CACNA2D2: variants seen among roughly 807,000 people sequenced by gnomAD.
The protein encoded by CACNA2D2 is voltage-dependent calcium channel subunit alpha-2/delta-2.
In CACNA2D2, 48 loss-of-function variants were observed where a neutral mutation model predicts 166.4. The ratio of observed to expected loss-of-function variants is 0.29; its 90% CI spans 0.23 to 0.37. The LOEUF (loss-of-function observed/expected upper bound fraction) is 0.37. Ranked by LOEUF, CACNA2D2 falls within the 10% of genes least tolerant of loss-of-function variation. The probability of loss-of-function intolerance (pLI) is 1.00; values close to 1 mark genes in which losing one functional copy is unlikely to be tolerated. For missense variants in CACNA2D2, 1,122 were observed against 1,433.0 expected (o/e 0.78, Z 3.50); for synonymous variants, 561 against 573.7 (o/e 0.98, Z 0.32).
chr3:50,383,639 C>T (rs1432808512), intron 6 of CACNA2D2, among the ~76,000 whole-genome samples: 1 of 152,138 alleles, frequency 6.6e-6, no homozygotes, highest in African/African-American at 2.4e-5. Flanking sequence ...CTTCCACATC[C>T]CCCTTCCTTA....
At chr3:50,491,720 C>T (rs1031387274) in intron 1 of CACNA2D2, among the ~76,000 whole-genome samples, 3 of 152,198 alleles carry the variant, frequency 2.0e-5, no homozygotes, top group Non-Finnish European at 2.9e-5. Context: ...GACTATCAGT[C>T]GGGGGACTCA....
chr3:50,470,445 T>C (rs1273444622), intron 2 of CACNA2D2, among the ~76,000 whole-genome samples: 1 of 152,108 alleles, frequency 6.6e-6, no homozygotes, highest in Non-Finnish European at 1.5e-5. Context: ...AGCCCCTCTC[T>C]GATGAGGGCG....
chr3:50,451,132 T>C (rs1709083551), intron 2 of CACNA2D2, among the ~76,000 whole-genome samples: 1 of 152,018 alleles, frequency 6.6e-6, no homozygotes, highest in Non-Finnish European at 1.5e-5. Flanking sequence ...CACCAGGGGC[T>C]GTTTTTTTTT....
At chr3:50,502,905 C>A (rs935323083) in intron 1 of CACNA2D2, among the ~76,000 whole-genome samples, 1 of 152,182 alleles carries the variant, frequency 6.6e-6, no homozygotes, top group East Asian at 1.9e-4. Context: ...ACCGGGTCAG[C>A]GGCAGGGGAA....
intron 23 of CACNA2D2, 125 bp downstream of exon 23, chr3:50,370,195 A>C: frequency 1.4e-6 from 1 of 691,568 alleles, no homozygotes; most frequent in Non-Finnish European, 2.6e-6. Flanking sequence ...CGGGCGATGT[A>C]TGGGGGCCGG....
At chr3:50,468,499 G>A (rs144881474) in intron 2 of CACNA2D2, among the ~76,000 whole-genome samples, 1,581 of 148,942 alleles carry the variant, frequency 0.011, 12 homozygotes, top group Non-Finnish European at 0.015. Context: ...AGGATTGAGC[G>A]GCCCTCACTT....
chr3:50,367,189 A>C lies in CACNA2D2; in HGVS notation c.2402-80T>G. ...CTATGCTGGGTCCTACAAACCCAGC[A>C]GTCCAATCCCGGGATGACTCCAGCC... On this transcript the variant is annotated intron_variant, in intron 27 of 37. Transcript: ENST00000424201. The surrounding 1 kb of genome is among the most constrained non-coding windows in gnomAD (Gnocchi z 6.5). 2 of 1,170,358 alleles carry C rather than the reference A, an allele frequency of 1.7e-6. No individual in the cohort carries two copies. Among genetic ancestry groups the C allele is most frequent in the Non-Finnish European group, 1.3e-6 (1 of 796,516 alleles). The allele number at this position is 1,170,358 out of a possible 1,614,324, so 72.5% of individuals were successfully genotyped here. A position where few individuals can be genotyped will look rare whatever the true frequency, so the allele number is the denominator to read the frequency against.
At chr3:50,434,140 T>C (rs1286200796) in intron 3 of CACNA2D2, among the ~76,000 whole-genome samples, 173 bp downstream of exon 3, 1 of 152,198 alleles carries the variant, frequency 6.6e-6, no homozygotes, top group Non-Finnish European at 1.5e-5. Flanking sequence ...AGTATCATCC[T>C]GTTCCTGCCG....
chr3:50,443,365 T>C (rs1708697023), intron 2 of CACNA2D2, among the ~76,000 whole-genome samples: 2 of 152,212 alleles, frequency 1.3e-5, no homozygotes, highest in African/African-American at 2.4e-5. Flanking sequence ...ATGGGGATAG[T>C]GATGACAGGT....
chr3:50,477,602 C>T (rs1697844694), intron 1 of CACNA2D2, among the ~76,000 whole-genome samples: 1 of 152,186 alleles, frequency 6.6e-6, no homozygotes. Context: ...GAAAAGGTAT[C>T]TCAACTTCTC....
chr3:50,502,760 T>G (rs1699032630), intron 1 of CACNA2D2, among the ~76,000 whole-genome samples: 2 of 152,190 alleles, frequency 1.3e-5, no homozygotes, highest in Admixed American at 6.5e-5. Flanking sequence ...AAGGCAGGTG[T>G]GGAGATGTCC....
intron 23 of CACNA2D2, among the ~76,000 whole-genome samples, chr3:50,369,829 C>T (rs1281620577): frequency 6.6e-6 from 1 of 152,272 alleles, no homozygotes; most frequent in East Asian, 1.9e-4. Flanking sequence ...TCCCCCAACC[C>T]CCCAAGTGAA....
chr3:50,378,237 C>A (rs761660829), intron 14 of CACNA2D2, 47 bp downstream of exon 14: 2 of 1,557,324 alleles, frequency 1.3e-6, no homozygotes, highest in South Asian at 1.2e-5. Flanking sequence ...CACAGCGTCC[C>A]TGCAGGGAAG....
In CACNA2D2 at chr3:50,365,712, G is replaced by C. The variant is rs1559872421; in HGVS notation, c.2916-24C>G. ...ACCTGCAGCGCACGGGGAGCCGAGTGCAGGTGGTCAGCAGAGGACGATGCC... is the reference window on the plus strand; with the variant it reads ...ACCTGCAGCGCACGGGGAGCCGAGTCCAGGTGGTCAGCAGAGGACGATGCC... On this transcript the variant is annotated intron_variant, in intron 33 of 37. Coordinates refer to ENST00000424201, the MANE Select transcript of CACNA2D2 (RefSeq NM_006030.4). The surrounding 1 kb of genome is among the most constrained non-coding windows in gnomAD (Gnocchi z 4.5). 2 of 1,596,622 alleles carry C rather than the reference G, an allele frequency of 1.3e-6. No homozygotes were observed. Among genetic ancestry groups the C allele is most frequent in the East Asian group, 4.5e-5 (2 of 44,282 alleles).
intron 2 of CACNA2D2, among the ~76,000 whole-genome samples, chr3:50,447,583 C>T (rs1458723111): frequency 6.6e-6 from 1 of 152,114 alleles, no homozygotes; most frequent in Non-Finnish European, 1.5e-5. Flanking sequence ...ACCACTGGGC[C>T]TGCTAGGAGA....
In CACNA2D2 at chr3:50,470,609, G is replaced by C. The variant is rs1349703763; in HGVS notation, c.288+5509C>G. On this transcript the variant is annotated intron_variant, in intron 2 of 37. Transcript: ENST00000424201. ...TATGGGGGGAGGGGGCGGGGGGGGG[G>C]GGTGGTGGTCAAGATGGCAACAGCC... is the stretch of plus-strand genomic sequence containing the variant. Among the ~76,000 whole-genome samples the C allele has an allele frequency of 1.4e-3, 192 of 135,320 alleles. 1 individual carries two copies. Among genetic ancestry groups the C allele is most frequent in the Non-Finnish European group, 2.6e-3 (158 of 61,486 alleles). The allele number at this position is 135,320 out of a possible 152,430, so 88.8% of individuals were successfully genotyped here.
intron 4 of CACNA2D2, among the ~76,000 whole-genome samples, chr3:50,393,865 C>G (rs1706009695): frequency 6.6e-6 from 1 of 152,214 alleles, no homozygotes; most frequent in African/African-American, 2.4e-5. Flanking sequence ...TACTTTCAAG[C>G]AGCCTTCCCA....
At position 50,379,291 on chromosome 3, in the gene CACNA2D2, C is replaced by G. The variant is rs1220549081; in HGVS notation, c.1153-92G>C. 18 of 1,451,732 alleles carry G rather than the reference C, an allele frequency of 1.2e-5. No individual in the cohort carries two copies. The highest frequency in any genetic ancestry group is 1.7e-5 in the Non-Finnish European group (18 of 1,041,392). 89.9% of individuals were successfully genotyped at this position (1,451,732 alleles called of 1,614,324 possible). A position where few individuals can be genotyped will look rare whatever the true frequency, so the allele number is the denominator to read the frequency against. ...CCGCAGTGGGCCTGGACCTCTGGCC[C>G]TCCTCCCCCACAGCAGATGGAGCTA... On this transcript the variant is annotated intron_variant, in intron 11 of 37. Transcript: ENST00000424201. This position sits in a 1 kb window ranked among gnomAD's most constrained non-coding sequence, Gnocchi z 6.5.
In CACNA2D2 at chr3:50,366,679, A is replaced by G. The variant is rs1704314762; in HGVS notation, c.2590-54T>C. 5.6e-6 allele frequency: 9 copies of G among 1,603,874 alleles called. No individual in the cohort carries two copies. The highest frequency in any genetic ancestry group is 7.7e-6 in the Non-Finnish European group (9 of 1,171,442). On this transcript the variant is annotated intron_variant, in intron 29 of 37. Transcript: ENST00000424201. The surrounding 1 kb of genome is among the most constrained non-coding windows in gnomAD (Gnocchi z 5.9). Reference sequence around the variant, plus strand: ...CCACCCACCAGTTTTCCTCCCTCCCATCACCTTTCATACATCCGGTTCCCC... The same window carrying G: ...CCACCCACCAGTTTTCCTCCCTCCCGTCACCTTTCATACATCCGGTTCCCC...
Sources: allele counts gnomAD v4.1 joint callset (sites outside exome capture counted in the v4.1 genomes callset), GRCh38; gene constraint gnomAD v4.1.1; non-coding constraint Gnocchi (gnomAD v3.1); transcripts MANE v1.5; gene names NCBI Gene and HGNC (gene_info 2026-07-23, HGNC 2026-07-21).